Variants in MIA2 observed in about 807,000 individuals in gnomAD.
MIA2 encodes the protein MIA SH3 domain ER export factor 2.
A neutral mutation model predicts 167.8 loss-of-function variants in MIA2; 127 were observed. The observed-to-expected ratio is 0.76, with a 90% confidence interval of 0.66 to 0.88. The LOEUF (loss-of-function observed/expected upper bound fraction) is 0.88, where lower values mean the gene tolerates loss of function less well. Ranked by LOEUF, MIA2 falls within the 40% of genes least tolerant of loss-of-function variation. The pLI is 0.00. For missense variants in MIA2, 1,690 were observed against 1,624.7 expected, an observed-to-expected ratio of 1.04 and a Z score of -0.69; for synonymous variants, 552 against 541.9, an observed-to-expected ratio of 1.02 and a Z score of -0.26.
intron 17 of MIA2, among the ~76,000 whole-genome samples, chr14:39,305,725 G>A (rs1261870559): frequency 1.3e-5 from 2 of 152,066 alleles, no homozygotes; most frequent in Admixed American, 1.3e-4. Context: ...CACTTGAGCT[G>A]GGGAGTTCAA....
intron 9 of MIA2, among the ~76,000 whole-genome samples, chr14:39,283,336 C>A (rs529441869): frequency 2.0e-5 from 3 of 152,194 alleles, no homozygotes; most frequent in Non-Finnish European, 4.4e-5. Context: ...TGACTGTACC[C>A]ATCTACATCC....
chr14:39,286,153 A>C (rs1037969720), intron 9 of MIA2, among the ~76,000 whole-genome samples: 1 of 152,224 alleles, frequency 6.6e-6, no homozygotes, highest in African/African-American at 2.4e-5. Context: ...AGCCTGGGCA[A>C]CGTTGAGCAC....
intron 24 of MIA2, among the ~76,000 whole-genome samples, chr14:39,324,835 C>T (rs1369254366): frequency 6.6e-6 from 1 of 152,014 alleles, no homozygotes; most frequent in Non-Finnish European, 1.5e-5. Context: ...TCGAACTCCT[C>T]ACCTCAGGTG....
At chr14:39,296,698 A>G (rs2061475543) in intron 13 of MIA2, among the ~76,000 whole-genome samples, 1 of 148,806 alleles carries the variant, frequency 6.7e-6, no homozygotes, top group Non-Finnish European at 1.5e-5. Flanking sequence ...GGTTAGTTAC[A>G]TATGTATACA....
chr14:39,288,456 TA>T lies in MIA2; in HGVS notation c.2131-2562del, dbSNP rs1566747516. Among the ~76,000 whole-genome samples, 62 of 14,340 alleles carry T rather than the reference TA, an allele frequency of 4.3e-3. 5 individuals carry two copies. Among genetic ancestry groups the T allele is most frequent in the African/African-American group, 6.3e-3 (34 of 5,394 alleles). 9.4% of individuals were successfully genotyped at this position (14,340 alleles called of 152,430 possible). On this transcript the variant is annotated intron_variant, in intron 9 of 28. Coordinates refer to ENST00000640607, the MANE Select transcript of MIA2 (RefSeq NM_001329214.4). Reference sequence around the variant, plus strand: ...ACATATATATATATATATATATATATATATATATATATATATATATTTTTTT... The same window carrying T: ...ACATATATATATATATATATATATATTATATATATATATATATATTTTTTT...
At chr14:39,333,989 A>G (rs1224843985) in intron 25 of MIA2, among the ~76,000 whole-genome samples, 1 of 152,198 alleles carries the variant, frequency 6.6e-6, no homozygotes, top group Non-Finnish European at 1.5e-5. Flanking sequence ...GGGTAATTCT[A>G]CAGACACAGT....
chr14:39,375,698 AAAAACAAAAC>A (rs768133698), intron 23 of MIA2, among the ~76,000 whole-genome samples: 1 of 152,190 alleles, frequency 6.6e-6, no homozygotes, highest in Non-Finnish European at 1.5e-5. Context: ...GTCTGTCTTT[AAAAACAAAAC>A]AAAACAAAAT....
chr14:39,276,751 A>G, intron 6 of MIA2, 183 bp from the exon 7 acceptor site: 2 of 565,340 alleles, frequency 3.5e-6, no homozygotes, highest in Non-Finnish European at 6.2e-6. Context: ...ATTTCACCAT[A>G]CTGCTGTTCT....
At position 39,293,874 on chromosome 14, in the gene MIA2, A is replaced by T. The variant is rs1014558919; in HGVS notation, c.2320-126A>T. The T allele has an allele frequency of 4.2e-6, 3 of 711,146 alleles. No homozygotes were observed. The African/African-American group carries it at 5.6e-5, about 13-fold the overall frequency. 44.1% of individuals were successfully genotyped at this position (711,146 alleles called of 1,614,324 possible). ...TTTTAGCATATGGCTAAATAAACTG[A>T]GAAGGTTTCTTAATTTGAGCTTCAC... On this transcript the variant is annotated intron_variant, in intron 11 of 28. Coordinates refer to ENST00000640607, the MANE Select transcript of MIA2 (RefSeq NM_001329214.4).
chr14:39,291,471 G>A (rs2060732329), intron 10 of MIA2, among the ~76,000 whole-genome samples: 1 of 152,154 alleles, frequency 6.6e-6, no homozygotes, highest in Non-Finnish European at 1.5e-5. Context: ...CTTAGGAATA[G>A]TTGGCAACAA....
At chr14:39,281,205 G>T (rs1594969163) in intron 9 of MIA2, among the ~76,000 whole-genome samples, 1 of 152,288 alleles carries the variant, frequency 6.6e-6, no homozygotes, top group East Asian at 1.9e-4. Context: ...GATTACAGCT[G>T]TGAGCCACCG....
Position 39,252,952 on chromosome 14 carries a change from A to G in MIA2, c.1772A>G (p.Tyr591Cys). 6.2e-7 allele frequency: 1 copy of G among 1,606,396 alleles called. No homozygotes were observed. Among genetic ancestry groups the G allele is most frequent in the Non-Finnish European group, 8.5e-7 (1 of 1,175,580 alleles). Residue 591 changes from tyrosine (Y) to cysteine (C), a missense_variant, in exon 5 of 29, where the codon TAT becomes TGT. By Grantham distance (194) the Tyr-to-Cys change is radical (BLOSUM62 -2). Transcript: ENST00000640607. The part of the protein sequence containing the change: ...STDNSLSSQN[Y>C]ISQKEDASEF... The stretch of plus-strand genomic sequence containing the variant: ...GATAACTCTTTGTCTTCTCAAAATT[A>G]TATTTCTCAGAAAGGTAAGAAACAG...
At chr14:39,268,984 T>C in intron 6 of MIA2, 1 of 983,200 alleles carries the variant, frequency 1.0e-6, no homozygotes, top group South Asian at 4.7e-5. Context: ...GGACTGCCAG[T>C]GTACATGGAG....
At chr14:39,251,289 A>T (rs1162487457) in intron 4 of MIA2, among the ~76,000 whole-genome samples, 1 of 150,446 alleles carries the variant, frequency 6.6e-6, no homozygotes. Context: ...TTACAAAAGG[A>T]TTCCAATTGT....
At chr14:39,344,481 C>CTATT in intron 25 of MIA2, among the ~76,000 whole-genome samples, 1 of 152,192 alleles carries the variant, frequency 6.6e-6, no homozygotes, top group Non-Finnish European at 1.5e-5. Flanking sequence ...AGCCTTCAAA[C>CTATT]TATTTGTATC....
intron 2 of MIA2, among the ~76,000 whole-genome samples, chr14:39,239,778 G>A (rs1242912723): frequency 6.6e-6 from 1 of 152,166 alleles, no homozygotes; most frequent in Non-Finnish European, 1.5e-5. Context: ...TGCATTTGAT[G>A]TTTAGTTCAT....
In MIA2 at chr14:39,288,458, TATATATATATA is replaced by T. The variant is rs1424746437; in HGVS notation, c.2131-2560_2131-2550del. Among the ~76,000 whole-genome samples, 13 of 16,008 alleles carry T rather than the reference TATATATATATA, an allele frequency of 8.1e-4. 1 individual carries two copies. Among genetic ancestry groups the T allele is most frequent in the South Asian group, 2.2e-3 (1 of 460 alleles). The allele number at this position is 16,008 out of a possible 152,430, so 10.5% of individuals were successfully genotyped here. A position where few individuals can be genotyped will look rare whatever the true frequency, so the allele number is the denominator to read the frequency against. On this transcript the variant is annotated intron_variant, in intron 9 of 28. Transcript: ENST00000640607. ...ATATATATATATATATATATATATA[TATATATATATA>T]TATATATTTTTTTTTTTTTTTTTGA...
At chr14:39,333,826 C>G (rs770996671) in intron 25 of MIA2, among the ~76,000 whole-genome samples, 5 of 152,128 alleles carry the variant, frequency 3.3e-5, no homozygotes, top group African/African-American at 9.7e-5. Flanking sequence ...AACCTGGTCT[C>G]CGTACTTTTC....
At chr14:39,347,509 G>T in intron 26 of MIA2, 1 of 551,476 alleles carries the variant, frequency 1.8e-6, no homozygotes, top group Non-Finnish European at 3.2e-6. Context: ...AGAAATAATT[G>T]CCACATGCCA....
Sources: allele counts gnomAD v4.1 joint callset (sites outside exome capture counted in the v4.1 genomes callset), GRCh38; gene constraint gnomAD v4.1.1; transcripts MANE v1.5; gene names NCBI Gene and HGNC (gene_info 2026-07-23, HGNC 2026-07-21).